The following PEAK1 variants were observed in gnomAD, a reference collection of about 807,000 sequenced individuals.
PEAK1 encodes inactive tyrosine-protein kinase PEAK1.
PEAK1 carries 54 observed loss-of-function variants against 124.7 expected under a neutral mutation model. The observed-to-expected ratio is 0.43, with a 90% CI of 0.35 to 0.54. PEAK1 has a LOEUF of 0.54. PEAK1 is among the 20% of genes least tolerant of loss of function. The pLI is 0.01. For synonymous variants in PEAK1, 719 were observed against 760.0 expected, an observed-to-expected ratio of 0.95 and a Z score of 0.89; for missense variants, 2,046 against 2,134.5, an observed-to-expected ratio of 0.96 and a Z score of 0.82.
intron 6 of PEAK1, chr15:77,205,245 A>ATTT (rs34117093): frequency 5.8e-5 from 9 of 154,250 alleles, no homozygotes; most frequent in South Asian, 1.7e-4. Context: ...ATCTCATCCC[A>ATTT]TTTTTTTTTT....
In PEAK1 at chr15:77,352,430, A is replaced by G. The variant is rs202109783; in HGVS notation, c.-603+12733T>C. The G allele has an allele frequency of 1.5e-4, 145 of 985,228 alleles. No individual in the cohort carries two copies. In the East Asian group the frequency reaches 0.014, roughly 96 times the overall value. The allele number at this position is 985,228 out of a possible 1,614,324, so 61.0% of individuals were successfully genotyped here. A position where few individuals can be genotyped will look rare whatever the true frequency, so the allele number is the denominator to read the frequency against. ...GACAGGTCCTCATTCAGATACACGCACCACTAGGCCTGAAGGGGAGATGAG... is the reference window on the plus strand; with the variant it reads ...GACAGGTCCTCATTCAGATACACGCGCCACTAGGCCTGAAGGGGAGATGAG... On this transcript the variant is annotated intron_variant, in intron 2 of 9. Coordinates refer to ENST00000682557, the MANE Select transcript of PEAK1 (RefSeq NM_001385026.1).
At position 77,179,507 on chromosome 15, in the gene PEAK1, T is replaced by C. The variant is rs748689763; in HGVS notation, c.2420A>G (p.Lys807Arg). 1.9e-6 allele frequency: 3 copies of C among 1,614,148 alleles called. No individual in the cohort carries two copies. The Admixed American group carries it at 5.0e-5, about 27-fold the overall frequency. ...GACTGGCGTACTCTTAGGTGTGCTC[T>C]TAGCAACATCAGCATCTGGAGGAAT... ...YAIPPDADVA[K>R]STPKSTPVRP... The change falls in exon 7 of 10, where the codon AAG becomes AGG. Residue 807 changes from lysine to arginine, a missense_variant. Physicochemically the swap from Lys to Arg is conservative, Grantham distance 26 (BLOSUM62 2). Transcript: ENST00000682557.
At chr15:77,103,494 T>C (rs553672405), downstream of PEAK1, 19 of 152,312 alleles carry the variant, frequency 1.2e-4, no homozygotes, top group East Asian at 3.7e-3. Flanking sequence ...TAAGATCTAA[T>C]TTTTGTAAGA....
intron 7 of PEAK1, among the ~76,000 whole-genome samples, chr15:77,159,712 T>C (rs7496431): frequency 0.22 from 34,025 of 152,180 alleles, 4,240 homozygotes; most frequent in Middle Eastern, 0.3. Flanking sequence ...TGGCAGTGAG[T>C]CATGGTGACA....
intron 1 of PEAK1, chr15:77,370,539 C>T (rs2068567244): frequency 4.9e-6 from 1 of 202,130 alleles, no homozygotes; most frequent in South Asian, 1.7e-4. Flanking sequence ...TAGTGATTCT[C>T]ATCTTTTTGT....
intron 1 of PEAK1, chr15:77,417,229 A>C (rs916946752): frequency 5.7e-6 from 3 of 523,556 alleles, no homozygotes; most frequent in Non-Finnish European, 4.9e-6. Context: ...TCCTTGCAAA[A>C]AGGAATCTCA....
At chr15:77,242,438 A>C (rs905935939) in intron 6 of PEAK1, among the ~76,000 whole-genome samples, 1 of 152,102 alleles carries the variant, frequency 6.6e-6, no homozygotes, top group African/African-American at 2.4e-5. Flanking sequence ...CTATTTAAAC[A>C]ATTACTGCTT....
rs992802479 is a variant in PEAK1 at position 77,110,850 on chromosome 15, T to C, written c.*3306A>G. On this transcript the variant is annotated 3_prime_UTR_variant, in exon 10 of 10. Transcript: ENST00000682557. ...TTGGCTTCTAGGCAACCCAGTAGTG[T>C]ACATATACCAAAAGGGCTCACCTCA... 8 of 152,248 alleles carry C rather than the reference T, an allele frequency of 5.3e-5. No homozygotes were observed. Among genetic ancestry groups the C allele is most frequent in the African/African-American group, 1.7e-4 (7 of 41,460 alleles). The allele number at this position is 152,248 out of a possible 1,614,324, so 9.4% of individuals were successfully genotyped here.
chr15:77,200,422 A>G (rs1336815771), intron 6 of PEAK1, among the ~76,000 whole-genome samples: 1 of 152,176 alleles, frequency 6.6e-6, no homozygotes, highest in Non-Finnish European at 1.5e-5. Context: ...TCAGCATCCC[A>G]ACCTCTACAT....
chr15:77,316,226 T>C (rs1226936902), intron 2 of PEAK1, among the ~76,000 whole-genome samples: 4 of 152,200 alleles, frequency 2.6e-5, no homozygotes, highest in African/African-American at 9.6e-5. Context: ...TTAGTTTTTC[T>C]ATTTTAGTCA....
chr15:77,396,076 G>A (rs1281665257), intron 1 of PEAK1, among the ~76,000 whole-genome samples: 4 of 152,060 alleles, frequency 2.6e-5, no homozygotes, highest in Admixed American at 6.6e-5. Flanking sequence ...GTGGGATGAC[G>A]ATAAAGTGTA....
At chr15:77,317,249 T>C (rs2064936130) in intron 2 of PEAK1, among the ~76,000 whole-genome samples, 1 of 152,184 alleles carries the variant, frequency 6.6e-6, no homozygotes, top group Admixed American at 6.5e-5. Flanking sequence ...CTAGTGTAAA[T>C]ATCTGTCATG....
intron 1 of PEAK1, among the ~76,000 whole-genome samples, chr15:77,387,219 T>C (rs1285688384): frequency 6.6e-6 from 1 of 152,200 alleles, no homozygotes; most frequent in Non-Finnish European, 1.5e-5. Flanking sequence ...TAATAAGTTA[T>C]TAAATTCTCT....
chr15:77,309,203 G>A (rs943953771), intron 2 of PEAK1, among the ~76,000 whole-genome samples: 8 of 152,018 alleles, frequency 5.3e-5, no homozygotes, highest in Non-Finnish European at 1.0e-4. Context: ...ATTTATGGAG[G>A]TTTTATCCCA....
At chr15:77,284,145 C>A (rs544202806) in intron 4 of PEAK1, 115 bp from the exon 5 acceptor site, 2 of 415,680 alleles carry the variant, frequency 4.8e-6, no homozygotes, top group South Asian at 2.0e-4. Flanking sequence ...TGATATTTAA[C>A]CCACAAGAGT....
chr15:77,407,270 G>A (rs956504408), intron 1 of PEAK1, among the ~76,000 whole-genome samples: 7 of 152,130 alleles, frequency 4.6e-5, no homozygotes, highest in Admixed American at 6.5e-5. Flanking sequence ...ATAAATAGGC[G>A]GAACTTAAAT....
intron 1 of PEAK1, chr15:77,417,905 T>C: frequency 1.0e-6 from 1 of 983,546 alleles, no homozygotes; most frequent in African/African-American, 1.7e-5. Flanking sequence ...TGTATGCAAA[T>C]AAGCAAATAA....
At chr15:77,279,516 G>A (rs1169610291) in intron 5 of PEAK1, among the ~76,000 whole-genome samples, 1 of 152,164 alleles carries the variant, frequency 6.6e-6, no homozygotes, top group Non-Finnish European at 1.5e-5. Context: ...CCTCAAAGGA[G>A]CAGTGGTTCC....
At chr15:77,351,894 A>G (rs1387761745) in intron 2 of PEAK1, 3 of 985,308 alleles carry the variant, frequency 3.0e-6, no homozygotes, top group Non-Finnish European at 3.6e-6. Flanking sequence ...AATAAAGTCT[A>G]AAGGTAATGA....
Sources: allele counts gnomAD v4.1 joint callset (sites outside exome capture counted in the v4.1 genomes callset), GRCh38; gene constraint gnomAD v4.1.1; transcripts MANE v1.5; gene names NCBI Gene and HGNC (gene_info 2026-07-23, HGNC 2026-07-21).